The following UBR3 variants were observed in gnomAD, a reference collection of about 807,000 sequenced individuals.
UBR3 encodes ubiquitin protein ligase E3 component n-recognin 3, also known as E3 ubiquitin-protein ligase UBR3.
A neutral mutation model predicts 243.2 loss-of-function variants in UBR3; 85 were observed. That is an observed-to-expected ratio of 0.35 (90% CI 0.29 to 0.42). The LOEUF (loss-of-function observed/expected upper bound fraction) is 0.42, where lower values mean the gene tolerates loss of function less well. UBR3 is among the 10% of genes least tolerant of loss of function. UBR3 has a pLI of 1.00. For synonymous variants in UBR3, 748 were observed against 799.8 expected (o/e 0.94, Z 1.09); for missense variants, 1,686 against 2,300.8 (o/e 0.73, Z 5.47).
chr2:169,895,344 A>T (rs527268282), intron 7 of UBR3, 33 bp downstream of exon 7: 353 of 1,516,118 alleles, frequency 2.3e-4, no homozygotes, highest in Non-Finnish European at 2.9e-4. Flanking sequence ...TTCTGAACTT[A>T]GCTTTTCTTT....
intron 26 of UBR3, among the ~76,000 whole-genome samples, chr2:169,996,009 G>C (rs11679821): frequency 0.44 from 66,793 of 152,054 alleles, 15,815 homozygotes; most frequent in Non-Finnish European, 0.54. Flanking sequence ...AGCTATATAA[G>C]ATGATTATAT....
chr2:169,851,999 C>T (rs918868513), intron 1 of UBR3, among the ~76,000 whole-genome samples: 5 of 152,156 alleles, frequency 3.3e-5, no homozygotes, highest in Non-Finnish European at 7.4e-5. Flanking sequence ...TTCATATTGC[C>T]TGTAACTTTG....
At chr2:169,902,777 C>T (rs1018417819) in intron 8 of UBR3, among the ~76,000 whole-genome samples, 1 of 151,998 alleles carries the variant, frequency 6.6e-6, no homozygotes, top group Non-Finnish European at 1.5e-5. Flanking sequence ...GCCCAGCTAA[C>T]TTTGTGTTTT....
chr2:169,962,136 T>G (rs939505616), intron 24 of UBR3, among the ~76,000 whole-genome samples: 7 of 152,294 alleles, frequency 4.6e-5, no homozygotes, highest in Non-Finnish European at 1.0e-4. Context: ...GAGGCCCATG[T>G]GAGTGAGGAA....
intron 30 of UBR3, among the ~76,000 whole-genome samples, chr2:170,022,016 G>C (rs1028184634): frequency 6.6e-6 from 1 of 152,060 alleles, no homozygotes; most frequent in African/African-American, 2.4e-5. Flanking sequence ...CATTTTAAAC[G>C]AGGTGCTTAA....
chr2:170,002,444 T>G (rs1270628183), intron 27 of UBR3, among the ~76,000 whole-genome samples: 4 of 152,216 alleles, frequency 2.6e-5, no homozygotes, highest in Non-Finnish European at 5.9e-5. Flanking sequence ...TCATTTCCTC[T>G]TAACAGATTC....
rs561039995 is a variant in UBR3, at chr2:170,083,976, T to C, written c.*2133T>C. 7 of 152,744 alleles carry C rather than the reference T, an allele frequency of 4.6e-5. No individual in the cohort carries two copies. The highest frequency in any genetic ancestry group is 2.1e-4 in the South Asian group (1 of 4,830). 9.5% of individuals were successfully genotyped at this position (152,744 alleles called of 1,614,324 possible). ...TATTCAAAAAAATGTACTGGTGTGA[T>C]ATCTTGTATGAATGATCATTTAAAT... On this transcript the variant is annotated 3_prime_UTR_variant, in exon 39 of 39. Transcript: ENST00000272793.
At chr2:169,910,094 C>T (rs1226613514) in intron 10 of UBR3, among the ~76,000 whole-genome samples, 2 of 152,022 alleles carry the variant, frequency 1.3e-5, no homozygotes, top group Non-Finnish European at 2.9e-5. Flanking sequence ...GTGAAATGTC[C>T]AAGTAGAAAT....
At chr2:169,973,976 G>A (rs759578021) in intron 24 of UBR3, among the ~76,000 whole-genome samples, 1 of 152,142 alleles carries the variant, frequency 6.6e-6, no homozygotes, top group Non-Finnish European at 1.5e-5. Flanking sequence ...CCTTCATTGT[G>A]TTGCTGTGAT....
At chr2:169,943,965 T>C (rs769125430) in intron 20 of UBR3, among the ~76,000 whole-genome samples, 1 of 152,180 alleles carries the variant, frequency 6.6e-6, no homozygotes, top group Non-Finnish European at 1.5e-5. Flanking sequence ...GTTTCTAAAG[T>C]TTTCCTGTTA....
chr2:169,953,293 A>C (rs2087122367), intron 23 of UBR3, among the ~76,000 whole-genome samples: 1 of 152,228 alleles, frequency 6.6e-6, no homozygotes, highest in Non-Finnish European at 1.5e-5. Flanking sequence ...CGTGCTTCTC[A>C]CATTTGTCTT....
intron 24 of UBR3, among the ~76,000 whole-genome samples, chr2:169,975,883 AACAT>A (rs2088412887): frequency 9.1e-5 from 1 of 10,960 alleles, no homozygotes; most frequent in Non-Finnish European, 5.8e-4. Flanking sequence ...TGCAATTAAA[AACAT>A]ATATATATAT....
intron 19 of UBR3, among the ~76,000 whole-genome samples, chr2:169,938,187 A>G (rs1213144175): frequency 6.6e-6 from 1 of 151,890 alleles, no homozygotes; most frequent in African/African-American, 2.4e-5. Flanking sequence ...TTTTAATTGC[A>G]CTTTTTATTA....
intron 24 of UBR3, among the ~76,000 whole-genome samples, chr2:169,961,541 G>A (rs2087572254): frequency 6.6e-6 from 1 of 152,026 alleles, no homozygotes; most frequent in Admixed American, 6.6e-5. Context: ...TTCTGGAAGG[G>A]ACTTTAGTCT....
chr2:169,873,560 C>T (rs1004750186), intron 2 of UBR3, among the ~76,000 whole-genome samples: 7 of 151,960 alleles, frequency 4.6e-5, no homozygotes, highest in African/African-American at 1.7e-4. Context: ...GTAGTCCTAG[C>T]TACTTGGGAG....
rs1193195147 is a variant in UBR3, at chr2:169,868,230, C to T, written c.546-4006C>T. On this transcript the variant is annotated intron_variant, in intron 1 of 38. Coordinates refer to ENST00000272793, the MANE Select transcript of UBR3 (RefSeq NM_172070.4). The stretch of plus-strand genomic sequence containing the variant: ...TTCAGAGCTGCTCTTGGTAAACTCC[C>T]GCCTACTTCCCTTTATCTCACCAAA... Among the ~76,000 whole-genome samples the T allele has an allele frequency of 3.3e-5, 5 of 152,188 alleles. No individual in the cohort carries two copies. The South Asian group carries it at 6.2e-4, about 19-fold the overall frequency.
In UBR3 at chr2:169,923,923, T is replaced by C. The variant is rs1232396486; in HGVS notation, c.1867-6T>C. ...TTGACTTGTGCATTTTGTTTGTTTA[T>C]TCCAGCCAGCACCTAACCAAGTCAC... On this transcript the variant is annotated splice_polypyrimidine_tract_variant and splice_region_variant and intron_variant, in intron 11 of 38. Transcript: ENST00000272793. 6.5e-7 allele frequency: 1 copy of C among 1,534,930 alleles called. No homozygotes were observed. The highest frequency in any genetic ancestry group is 2.2e-5 in the Admixed American group (1 of 45,848).
chr2:169,928,936 T>C (rs2086011833), intron 18 of UBR3, 68 bp downstream of exon 18: 1 of 1,230,114 alleles, frequency 8.1e-7, no homozygotes. Context: ...TTCTGTGTAT[T>C]AAAAGAAAAT....
At chr2:169,855,753 A>C (rs1307573273) in intron 1 of UBR3, among the ~76,000 whole-genome samples, 1 of 152,222 alleles carries the variant, frequency 6.6e-6, no homozygotes, top group Non-Finnish European at 1.5e-5. Flanking sequence ...ACTTCTTTCC[A>C]CACAGACACA....
Sources: gnomAD v4.1 joint callset for allele counts (sites outside exome capture counted in the v4.1 genomes callset) on GRCh38, gnomAD v4.1.1 for gene constraint, MANE v1.5 for transcripts, NCBI Gene and HGNC (gene_info 2026-07-23, HGNC 2026-07-21) for gene names.